ZNF177: variants seen among roughly 807,000 people sequenced by gnomAD.
ZNF177 encodes the protein zinc finger protein 177.
ZNF177 carries 17 observed loss-of-function variants against 19.4 expected under a neutral mutation model. The ratio of observed to expected loss-of-function variants is 0.87; its 90% CI spans 0.60 to 1.31. The LOEUF is 1.31. ZNF177 is among the 40% of genes most tolerant of loss of function. The probability of loss-of-function intolerance (pLI) is 0.00; values close to 1 mark genes in which losing one functional copy is unlikely to be tolerated. For synonymous variants in ZNF177, 220 were observed against 188.7 expected (o/e 1.17, Z -1.36); for missense variants, 633 against 561.8 (o/e 1.13, Z -1.28).
At chr19:9,365,164 G>A (rs1278481761) in intron 2 of ZNF177, among the ~76,000 whole-genome samples, 1 of 152,126 alleles carries the variant, frequency 6.6e-6, no homozygotes, top group African/African-American at 2.4e-5. Context: ...TAAAGGAGCT[G>A]CCACAGGAAT....
chr19:9,368,265 A>G (rs2068005293), intron 2 of ZNF177, among the ~76,000 whole-genome samples: 1 of 152,194 alleles, frequency 6.6e-6, no homozygotes, highest in African/African-American at 2.4e-5. Flanking sequence ...TCATTTTTAA[A>G]TGTACAAGTC....
rs2068149744 is a variant in ZNF177, at chr19:9,378,950, G to A, written c.34-12G>A. Reference sequence around the variant, plus strand: ...TCATTGGCTGAGCCAGAATATGTATGTGATGTTTTAGAACTCAGTAACCTT... The same window carrying A: ...TCATTGGCTGAGCCAGAATATGTATATGATGTTTTAGAACTCAGTAACCTT... On this transcript the variant is annotated splice_polypyrimidine_tract_variant and intron_variant, in intron 2 of 5. Coordinates refer to ENST00000589262, the Ensembl canonical transcript of ZNF177. 6.9e-6 allele frequency: 11 copies of A among 1,595,518 alleles called. No homozygotes were observed. Among genetic ancestry groups the A allele is most frequent in the Admixed American group, 3.4e-5 (2 of 59,050 alleles).
chr19:9,369,557 T>C (rs2068021805), intron 2 of ZNF177, among the ~76,000 whole-genome samples: 1 of 152,160 alleles, frequency 6.6e-6, no homozygotes, highest in Non-Finnish European at 1.5e-5. Flanking sequence ...CAGTCTGTTT[T>C]TAAACTGCAG....
chr19:9,368,304 C>T (rs570996748), intron 2 of ZNF177, among the ~76,000 whole-genome samples: 9 of 151,824 alleles, frequency 5.9e-5, no homozygotes, highest in Non-Finnish European at 1.2e-4. Context: ...CACAGTGTTA[C>T]TCAACCATCA....
chr19:9,374,852 A>G (rs1214156432), upstream of ZNF177, among the ~76,000 whole-genome samples: 2 of 152,050 alleles, frequency 1.3e-5, no homozygotes, highest in African/African-American at 4.8e-5. Flanking sequence ...TTCTTGCGTA[A>G]TTGTTCTGGC....
exon 6 of ZNF177, chr19:9,381,956 TTTCA>T (rs1367045987): frequency 1.1e-6 from 1 of 935,500 alleles, no homozygotes; most frequent in Non-Finnish European, 1.5e-6. Context: ...TCAGTGAGTA[TTTCA>T]TTCTTATATG....
chr19:9,364,772 G>A (rs914732754), intron 1 of ZNF177, 90 bp from the exon 2 acceptor site: 8 of 152,234 alleles, frequency 5.3e-5, no homozygotes, highest in African/African-American at 1.9e-4. Context: ...GGGGACTGAT[G>A]AGGTAATTGC....
intron 1 of ZNF177, among the ~76,000 whole-genome samples, chr19:9,377,563 G>A (rs1183715469): frequency 2.6e-5 from 4 of 152,106 alleles, no homozygotes; most frequent in South Asian, 2.1e-4. Flanking sequence ...AGATTAATGC[G>A]TATGTGTCTT....
chr19:9,370,404 GTTTGTTTTTTT>G (rs977137026), intron 2 of ZNF177, among the ~76,000 whole-genome samples: 24 of 149,576 alleles, frequency 1.6e-4, no homozygotes, highest in Admixed American at 2.7e-4. Context: ...TAAGTGGTTG[GTTTGTTTTTTT>G]TTTGTTTTTT....
exon 6 of ZNF177, chr19:9,381,568 G>A (rs1395804608): frequency 6.2e-7 from 1 of 1,613,920 alleles, no homozygotes; most frequent in South Asian, 1.1e-5. Context: ...TTACCTTATT[G>A]TGCACAAGAG....
At chr19:9,379,723 T>G in intron 4 of ZNF177, 104 bp downstream of exon 6, 2 of 1,326,956 alleles carry the variant, frequency 1.5e-6, no homozygotes, top group Non-Finnish European at 2.0e-6. Context: ...TGACATGAGC[T>G]TCCTTCCTGT....
chr19:9,379,986 G>C, intron 4 of ZNF177, 71 bp from the exon 7 acceptor site: 7 of 1,531,344 alleles, frequency 4.6e-6, no homozygotes, highest in Admixed American at 2.1e-5. Flanking sequence ...AAATCCATAG[G>C]GTCTCCCTCC....
At chr19:9,373,986 C>T (rs897112233), upstream of ZNF177, among the ~76,000 whole-genome samples, 1 of 151,898 alleles carries the variant, frequency 6.6e-6, no homozygotes, top group South Asian at 2.1e-4. Flanking sequence ...AAAAATTTGT[C>T]AAAATTAATA....
At chr19:9,378,542 T>G in intron 2 of ZNF177, 198 bp downstream of exon 4, 1 of 870,872 alleles carries the variant, frequency 1.1e-6, no homozygotes, top group South Asian at 1.8e-5. Context: ...CCAGATATTC[T>G]TCCATATTTT....
At chr19:9,374,922 C>T (rs2068091243), upstream of ZNF177, among the ~76,000 whole-genome samples, 1 of 152,068 alleles carries the variant, frequency 6.6e-6, no homozygotes, top group South Asian at 2.1e-4. Context: ...GCCTTGTTCC[C>T]AATCTTAGAG....
exon 6 of ZNF177, chr19:9,381,152 G>C: frequency 6.2e-7 from 1 of 1,614,174 alleles, no homozygotes; most frequent in Middle Eastern, 1.6e-4. Flanking sequence ...CTTCAGAACT[G>C]TGTCAGAACT....
rs2068213255 is a variant in ZNF177 at position 9,382,171 on chromosome 19, A to C, written c.*394A>C. On this transcript the variant is annotated 3_prime_UTR_variant, in exon 6 of 6. Transcript: ENST00000589262. ...TCCTCCCTTCTTTCTTAAAGTAATA[A>C]AATTTACCATTTAGTTCAAGCTGGC... 9 of 402,478 alleles carry C rather than the reference A, an allele frequency of 2.2e-5. No individual in the cohort carries two copies. In the East Asian group the frequency reaches 3.2e-4, roughly 14 times the overall value. 24.9% of individuals were successfully genotyped at this position (402,478 alleles called of 1,614,324 possible). A position where few individuals can be genotyped will look rare whatever the true frequency, so the allele number is the denominator to read the frequency against.
At chr19:9,368,423 CTT>C (rs2068007232) in intron 2 of ZNF177, among the ~76,000 whole-genome samples, 1 of 152,156 alleles carries the variant, frequency 6.6e-6, no homozygotes, top group Admixed American at 6.5e-5. Flanking sequence ...TTATTCATGT[CTT>C]GTTAATCTCT....
intron 5 of ZNF177, 125 bp downstream of exon 7, chr19:9,380,264 C>T (rs1316117005): frequency 1.7e-5 from 20 of 1,199,196 alleles, no homozygotes; most frequent in Middle Eastern, 4.0e-4. Flanking sequence ...AGAAAGCTGT[C>T]TCGGGAGAGT....
Sources: allele counts gnomAD v4.1 joint callset (sites outside exome capture counted in the v4.1 genomes callset), GRCh38; gene constraint gnomAD v4.1.1; transcripts MANE v1.5; gene names NCBI Gene and HGNC (gene_info 2026-07-23, HGNC 2026-07-21).